ADAMTS3: variants seen among roughly 807,000 people sequenced by gnomAD.
ADAMTS3 encodes A disintegrin and metalloproteinase with thrombospondin motifs 3.
ADAMTS3 carries 73 observed loss-of-function variants against 129.0 expected under a neutral mutation model. That is an observed-to-expected ratio of 0.57 (90% CI 0.47 to 0.69). The LOEUF (loss-of-function observed/expected upper bound fraction) is 0.69, where lower values mean the gene tolerates loss of function less well. Ranked by LOEUF, ADAMTS3 falls within the 30% of genes least tolerant of loss-of-function variation. The pLI is 0.00. For synonymous variants in ADAMTS3, 477 were observed against 510.8 expected (o/e 0.93, Z 0.89); for missense variants, 1,457 against 1,514.5 (o/e 0.96, Z 0.63).
At chr4:72,336,279 G>C (rs1719986222) in intron 5 of ADAMTS3, among the ~76,000 whole-genome samples, 1 of 152,078 alleles carries the variant, frequency 6.6e-6, no homozygotes, top group African/African-American at 2.4e-5. Context: ...TTCTCTCCAG[G>C]ACCCTATCTG....
In ADAMTS3 at chr4:72,295,648, G is replaced by A. The variant is rs1166888811; in HGVS notation, c.2723+6C>T. Reference sequence around the variant, plus strand: ...TCCAGATATGATAGTTAAAATAGATGCTTACAGTGGATGTGTACACTCTTG... The same window carrying A: ...TCCAGATATGATAGTTAAAATAGATACTTACAGTGGATGTGTACACTCTTG... On this transcript the variant is annotated splice_donor_region_variant and intron_variant, in intron 19 of 21. Coordinates refer to ENST00000286657, the MANE Select transcript of ADAMTS3 (RefSeq NM_014243.3). 1.2e-5 allele frequency: 20 copies of A among 1,606,320 alleles called. No homozygotes were observed. The highest frequency in any genetic ancestry group is 1.6e-5 in the Non-Finnish European group (19 of 1,176,102).
chr4:72,480,285 G>A (rs1178718529), intron 3 of ADAMTS3, among the ~76,000 whole-genome samples: 5 of 152,104 alleles, frequency 3.3e-5, no homozygotes, highest in African/African-American at 1.2e-4. Flanking sequence ...GCAAAGACTT[G>A]GAACCAACCC....
chr4:72,398,644 C>T (rs912818219), intron 4 of ADAMTS3, among the ~76,000 whole-genome samples: 4 of 151,994 alleles, frequency 2.6e-5, no homozygotes, highest in African/African-American at 9.7e-5. Context: ...CCAAATTCAA[C>T]CAGATATTTA....
At chr4:72,566,331 T>C (rs1435750082) in intron 2 of ADAMTS3, among the ~76,000 whole-genome samples, 1 of 152,184 alleles carries the variant, frequency 6.6e-6, no homozygotes, top group East Asian at 1.9e-4. Context: ...CTATAACAGG[T>C]AGCTATGCAA....
At chr4:72,531,527 G>C (rs1161261991) in intron 3 of ADAMTS3, among the ~76,000 whole-genome samples, 3 of 152,086 alleles carry the variant, frequency 2.0e-5, no homozygotes, top group Non-Finnish European at 4.4e-5. Context: ...TGCAGGAGAG[G>C]GTTGGGTAAA....
intron 12 of ADAMTS3, among the ~76,000 whole-genome samples, 187 bp downstream of exon 12, chr4:72,313,490 T>C (rs1175050813): frequency 6.6e-6 from 1 of 152,216 alleles, no homozygotes; most frequent in East Asian, 1.9e-4. Flanking sequence ...TCTTCATCAC[T>C]GACTGCTTGT....
intron 5 of ADAMTS3, among the ~76,000 whole-genome samples, chr4:72,329,751 G>GAACAAAAAAA (rs796897484): frequency 7.4e-6 from 1 of 135,490 alleles, no homozygotes; most frequent in Non-Finnish European, 1.6e-5. Flanking sequence ...TTTCTTTCAT[G>GAACAAAAAAA]AAAAAAAAAA....
chr4:72,375,061 T>C (rs1418966984), intron 4 of ADAMTS3, among the ~76,000 whole-genome samples: 2 of 152,170 alleles, frequency 1.3e-5, no homozygotes, highest in East Asian at 3.9e-4. Context: ...CCTCTCTATA[T>C]ATTTCTTCTT....
intron 3 of ADAMTS3, among the ~76,000 whole-genome samples, chr4:72,419,132 C>G (rs1282108901): frequency 6.6e-6 from 1 of 152,118 alleles, no homozygotes; most frequent in Non-Finnish European, 1.5e-5. Flanking sequence ...AAATTAGATC[C>G]TCTCTTAGCC....
At chr4:72,563,235 C>G (rs1188366401) in intron 2 of ADAMTS3, among the ~76,000 whole-genome samples, 1 of 152,110 alleles carries the variant, frequency 6.6e-6, no homozygotes, top group Admixed American at 6.5e-5. Flanking sequence ...ACCTAAGAAT[C>G]TTGAAGCAGT....
At chr4:72,328,356 T>A (rs924184432) in intron 5 of ADAMTS3, among the ~76,000 whole-genome samples, 2 of 152,208 alleles carry the variant, frequency 1.3e-5, no homozygotes, top group Non-Finnish European at 2.9e-5. Context: ...CAGGACAAAT[T>A]CTCCCAGGAC....
At chr4:72,539,587 G>A (rs1434011427) in intron 3 of ADAMTS3, among the ~76,000 whole-genome samples, 1 of 151,486 alleles carries the variant, frequency 6.6e-6, no homozygotes, top group Non-Finnish European at 1.5e-5. Flanking sequence ...AATGTAAAAT[G>A]GTATAGCTAC....
chr4:72,470,378 C>CAT (rs1560528167), intron 3 of ADAMTS3, among the ~76,000 whole-genome samples: 1 of 122,008 alleles, frequency 8.2e-6, no homozygotes, highest in East Asian at 2.2e-4. Flanking sequence ...TATATATATA[C>CAT]ACACACACAC....
chr4:72,456,639 T>C (rs1257260816), intron 3 of ADAMTS3, among the ~76,000 whole-genome samples: 1 of 151,196 alleles, frequency 6.6e-6, no homozygotes, highest in Non-Finnish European at 1.5e-5. Context: ...GCCGCATAAC[T>C]CACATAGGCA....
At chr4:72,293,966 A>G (rs1254155191) in intron 19 of ADAMTS3, among the ~76,000 whole-genome samples, 1 of 152,172 alleles carries the variant, frequency 6.6e-6, no homozygotes, top group African/African-American at 2.4e-5. Context: ...AGGTTCGGCA[A>G]GTGCAACAAT....
chr4:72,391,694 C>A (rs1721600091), intron 4 of ADAMTS3, among the ~76,000 whole-genome samples: 1 of 152,042 alleles, frequency 6.6e-6, no homozygotes, highest in Non-Finnish European at 1.5e-5. Context: ...CCATTAAAAC[C>A]TTCCTGAAAG....
chr4:72,439,857 T>C (rs957807617), intron 3 of ADAMTS3, among the ~76,000 whole-genome samples: 1 of 151,292 alleles, frequency 6.6e-6, no homozygotes, highest in Non-Finnish European at 1.5e-5. Context: ...TTAAAATATA[T>C]TTCCAAAGGC....
chr4:72,291,706 A>G (rs1718674229), intron 19 of ADAMTS3, among the ~76,000 whole-genome samples: 1 of 151,790 alleles, frequency 6.6e-6, no homozygotes, highest in Non-Finnish European at 1.5e-5. Context: ...TGCCGCAATA[A>G]ACATACGTGT....
intron 3 of ADAMTS3, among the ~76,000 whole-genome samples, chr4:72,523,396 T>C (rs903604116): frequency 1.3e-5 from 2 of 152,054 alleles, no homozygotes; most frequent in Non-Finnish European, 2.9e-5. Context: ...ATCCTATATA[T>C]TTGATGGGCA....
Sources: gnomAD v4.1 joint callset for allele counts (sites outside exome capture counted in the v4.1 genomes callset) on GRCh38, gnomAD v4.1.1 for gene constraint, MANE v1.5 for transcripts, NCBI Gene and HGNC (gene_info 2026-07-23, HGNC 2026-07-21) for gene names.